MYT1L: variants seen among roughly 807,000 people sequenced by gnomAD.
MYT1L encodes the protein myelin transcription factor 1 like.
In MYT1L, 12 loss-of-function variants were observed where a neutral mutation model predicts 126.7. The ratio of observed to expected loss-of-function variants is 0.09; its 90% CI spans 0.06 to 0.15. MYT1L has a LOEUF of 0.15. MYT1L is among the 10% of genes least tolerant of loss of function. The probability of loss-of-function intolerance (pLI) is 1.00; values close to 1 mark genes in which losing one functional copy is unlikely to be tolerated. For missense variants in MYT1L, 979 were observed against 1,585.2 expected, an observed-to-expected ratio of 0.62 and a Z score of 6.49; for synonymous variants, 541 against 604.2, an observed-to-expected ratio of 0.90 and a Z score of 1.53.
intron 4 of MYT1L, among the ~76,000 whole-genome samples, chr2:2,000,000 T>C (rs1040738490): frequency 6.6e-6 from 1 of 152,204 alleles, no homozygotes; most frequent in African/African-American, 2.4e-5. Context: ...TAGACAATGC[T>C]CCTTAAAGAG....
chr2:1,864,724 C>G (rs2045230819), intron 18 of MYT1L, among the ~76,000 whole-genome samples: 2 of 152,210 alleles, frequency 1.3e-5, no homozygotes, highest in South Asian at 4.1e-4. Flanking sequence ...CCCTCAATGT[C>G]TCCCAGAACA....
chr2:1,977,771 TA>T (rs1277018539), intron 8 of MYT1L, among the ~76,000 whole-genome samples: 1 of 152,314 alleles, frequency 6.6e-6, no homozygotes, highest in Non-Finnish European at 1.5e-5. Flanking sequence ...AAGAGATGAT[TA>T]GGGGAAAATG....
intron 9 of MYT1L, among the ~76,000 whole-genome samples, chr2:1,936,643 A>C (rs2055927755): frequency 6.6e-6 from 1 of 150,388 alleles, no homozygotes; most frequent in African/African-American, 2.5e-5. Context: ...GACTGCAGTG[A>C]AAACTGGTTG....
At chr2:1,807,279 C>T (rs1038036607) in intron 22 of MYT1L, among the ~76,000 whole-genome samples, 5 of 152,224 alleles carry the variant, frequency 3.3e-5, no homozygotes, top group Admixed American at 2.6e-4. Flanking sequence ...GGTACACACA[C>T]GTGGGACGTT....
In MYT1L at chr2:1,979,415, G is replaced by A. The variant is rs1189812690; in HGVS notation, c.89+106C>T. On this transcript the variant is annotated intron_variant, in intron 7 of 24. Coordinates refer to ENST00000647738, the MANE Select transcript of MYT1L (RefSeq NM_001303052.2). The surrounding 1 kb of genome is among the most constrained non-coding windows in gnomAD (Gnocchi z 4.0). ...GGGAATTAATTTCATCAGTGCAGCA[G>A]GGCGTGAGCAAGCTGCCGATGAGCT... 8.3e-7 allele frequency: 1 copy of A among 1,207,846 alleles called. No homozygotes were observed. Among genetic ancestry groups the A allele is most frequent in the Non-Finnish European group, 1.2e-6 (1 of 811,362 alleles). 74.8% of individuals were successfully genotyped at this position (1,207,846 alleles called of 1,614,324 possible). A position where few individuals can be genotyped will look rare whatever the true frequency, so the allele number is the denominator to read the frequency against.
At chr2:1,971,691 AC>A (rs1476539814) in intron 8 of MYT1L, among the ~76,000 whole-genome samples, 1 of 152,236 alleles carries the variant, frequency 6.6e-6, no homozygotes, top group Admixed American at 6.5e-5. Flanking sequence ...AGATCGTGCC[AC>A]TGCACTCCAG....
chr2:2,140,657 A>G (rs2083835519), intron 3 of MYT1L, among the ~76,000 whole-genome samples: 2 of 151,922 alleles, frequency 1.3e-5, no homozygotes. Context: ...GATGGTCTTG[A>G]TCTCCTGACC....
chr2:2,130,672 G>C (rs1282898947), intron 3 of MYT1L, among the ~76,000 whole-genome samples: 3 of 152,152 alleles, frequency 2.0e-5, no homozygotes, highest in Non-Finnish European at 4.4e-5. Flanking sequence ...AGTAAGAACA[G>C]GTTGATGATG....
chr2:2,320,700 C>T (rs1559668437), intron 1 of MYT1L, among the ~76,000 whole-genome samples: 2 of 152,144 alleles, frequency 1.3e-5, no homozygotes. Context: ...AAAATCAGAA[C>T]CACTGAATAA....
chr2:2,102,604 A>ATG (rs3047992), intron 3 of MYT1L, among the ~76,000 whole-genome samples: 18,877 of 142,982 alleles, frequency 0.13, 1,281 homozygotes, highest in African/African-American at 0.21. Flanking sequence ...CCTCTTGGGA[A>ATG]TGTGTGTGTG....
chr2:1,831,959 C>T (rs911588899), intron 21 of MYT1L, among the ~76,000 whole-genome samples: 1 of 152,100 alleles, frequency 6.6e-6, no homozygotes, highest in Non-Finnish European at 1.5e-5. Flanking sequence ...AGGCCCGTTA[C>T]CAGCTGCTTG....
At chr2:2,128,513 C>G (rs982599426) in intron 3 of MYT1L, among the ~76,000 whole-genome samples, 1 of 152,036 alleles carries the variant, frequency 6.6e-6, no homozygotes, top group African/African-American at 2.4e-5. Context: ...ATGGGATGCA[C>G]AAGAATCAAG....
intron 2 of MYT1L, among the ~76,000 whole-genome samples, chr2:2,181,353 G>A (rs150927220): frequency 6.6e-6 from 1 of 152,224 alleles, no homozygotes; most frequent in African/African-American, 2.4e-5. Flanking sequence ...CTGGCTCTCT[G>A]TTGTCTCTGA....
At chr2:2,314,276 C>A (rs1045490714) in intron 1 of MYT1L, among the ~76,000 whole-genome samples, 3 of 152,190 alleles carry the variant, frequency 2.0e-5, no homozygotes, top group Non-Finnish European at 4.4e-5. Context: ...TAACTCCCCC[C>A]ATGTCACTGT....
intron 10 of MYT1L, among the ~76,000 whole-genome samples, chr2:1,921,923 C>T (rs939018937): frequency 6.6e-6 from 1 of 152,012 alleles, no homozygotes; most frequent in Non-Finnish European, 1.5e-5. Flanking sequence ...TTACATAAAC[C>T]CTTGCCACTC....
At chr2:1,952,265 A>G in intron 8 of MYT1L, among the ~76,000 whole-genome samples, 1 of 152,150 alleles carries the variant, frequency 6.6e-6, no homozygotes, top group East Asian at 1.9e-4. Context: ...TAAATGATGT[A>G]GCCAGTTATT....
intron 8 of MYT1L, among the ~76,000 whole-genome samples, chr2:1,944,578 C>A (rs568981439): frequency 6.6e-6 from 1 of 152,118 alleles, no homozygotes. Context: ...CACACCTTGA[C>A]TAGCTTGGCT....
intron 2 of MYT1L, among the ~76,000 whole-genome samples, chr2:2,275,997 G>A (rs1307827500): frequency 2.0e-5 from 3 of 151,954 alleles, no homozygotes; most frequent in Non-Finnish European, 4.4e-5. Flanking sequence ...AAACTACCCT[G>A]CCTTGTGTTT....
chr2:1,860,133 A>G (rs762598648), intron 18 of MYT1L, among the ~76,000 whole-genome samples: 7 of 152,172 alleles, frequency 4.6e-5, no homozygotes, highest in Admixed American at 2.6e-4. Flanking sequence ...ATCCAGCAAT[A>G]GGCTCCTGTC....
Sources: allele counts gnomAD v4.1 joint callset (sites outside exome capture counted in the v4.1 genomes callset), GRCh38; gene constraint gnomAD v4.1.1; non-coding constraint Gnocchi (gnomAD v3.1); transcripts MANE v1.5; gene names NCBI Gene and HGNC (gene_info 2026-07-23, HGNC 2026-07-21).